The following NOTCH2 variants were observed in gnomAD, a reference collection of about 807,000 sequenced individuals.
NOTCH2 encodes neurogenic locus notch homolog protein 2.
NOTCH2 carries 29 observed loss-of-function variants against 235.8 expected under a neutral mutation model. That is an observed-to-expected ratio of 0.12 (90% CI 0.09 to 0.17). The LOEUF (loss-of-function observed/expected upper bound fraction) is 0.17, where lower values mean the gene tolerates loss of function less well. Among genes scored for constraint, NOTCH2 ranks in the 10% least tolerant of loss-of-function variants. NOTCH2 has a pLI of 1.00. For missense variants in NOTCH2, 2,285 were observed against 3,150.2 expected, an observed-to-expected ratio of 0.73 and a Z score of 6.57; for synonymous variants, 1,086 against 1,141.5, an observed-to-expected ratio of 0.95 and a Z score of 0.98.
intron 25 of NOTCH2, among the ~76,000 whole-genome samples, chr1:119,924,194 T>C (rs1649385829): frequency 6.6e-6 from 1 of 152,218 alleles, no homozygotes; most frequent in South Asian, 2.1e-4. Flanking sequence ...ATGAAGAACA[T>C]TGTACTCACT....
intron 4 of NOTCH2, among the ~76,000 whole-genome samples, chr1:119,990,227 T>C (rs1366175913): frequency 4.7e-5 from 2 of 42,474 alleles, no homozygotes; most frequent in Non-Finnish European, 9.8e-5. Flanking sequence ...TGTCATAAAT[T>C]ACTACATGCT....
rs1417206178 is a variant in NOTCH2 at position 120,058,333 on chromosome 1, G to A, written c.73+11001C>T. Among the ~76,000 whole-genome samples, 22 of 150,882 alleles carry A rather than the reference G, an allele frequency of 1.5e-4. 1 individual carries two copies. Among genetic ancestry groups the A allele is most frequent in the East Asian group, 3.9e-4 (2 of 5,098 alleles). ...AGCCTGCCCAACATAGAGAAACCCCGTCTCTACTAAAACTACAAAAAATTA... is the reference window on the plus strand; with the variant it reads ...AGCCTGCCCAACATAGAGAAACCCCATCTCTACTAAAACTACAAAAAATTA... On this transcript the variant is annotated intron_variant, in intron 1 of 33. Coordinates refer to ENST00000256646, the MANE Select transcript of NOTCH2 (RefSeq NM_024408.4).
Position 119,965,580 on chromosome 1 carries a change from A to T in NOTCH2, c.1568-14T>A. 6.5e-7 allele frequency: 1 copy of T among 1,530,790 alleles called. No individual in the cohort carries two copies. The highest frequency in any genetic ancestry group is 9.1e-7 in the Non-Finnish European group (1 of 1,104,018). The allele number at this position is 1,530,790 out of a possible 1,614,324, so 94.8% of individuals were successfully genotyped here. On this transcript the variant is annotated splice_polypyrimidine_tract_variant and intron_variant, in intron 9 of 33. Coordinates refer to ENST00000256646, the MANE Select transcript of NOTCH2 (RefSeq NM_024408.4). Reference sequence around the variant, plus strand: ...GCCCAGTGAAACCTCAAAAAGGGACAGTGGTAACATGAGTCAAAGGATTAT... The same window carrying T: ...GCCCAGTGAAACCTCAAAAAGGGACTGTGGTAACATGAGTCAAAGGATTAT...
At position 119,967,495 on chromosome 1, in the gene NOTCH2, G is replaced by T. The variant is rs2101143803; in HGVS notation, c.1391C>A (p.Pro464His). The T allele has an allele frequency of 6.2e-7, 1 of 1,614,054 alleles. No homozygotes were observed. The highest frequency in any genetic ancestry group is 8.5e-7 in the Non-Finnish European group (1 of 1,179,934). ...EMDINECHSD[P>H]CQNDATCLDK... The stretch of plus-strand genomic sequence containing the variant: ...CAGACAGGTAGCATCATTCTGGCAG[G>T]GGTCTGAATGGCACTCATTGATGTC... The change falls in exon 8 of 34, where the codon CCC becomes CAC. Residue 464 changes from proline (P) to histidine (H), a missense_variant. Pro to His is a moderately conservative substitution (Grantham distance 77). Coordinates refer to ENST00000256646, the MANE Select transcript of NOTCH2 (RefSeq NM_024408.4).
intron 1 of NOTCH2, among the ~76,000 whole-genome samples, chr1:120,065,169 T>C (rs191817130): frequency 1.4e-3 from 206 of 152,216 alleles, no homozygotes; most frequent in African/African-American, 4.8e-3. Context: ...AAATGAAACA[T>C]CTGGGGAAGG....
chr1:119,912,051 C>T lies in NOTCH2; in HGVS notation c.*3255G>A, dbSNP rs587695533. On this transcript the variant is annotated 3_prime_UTR_variant, in exon 34 of 34. Transcript: ENST00000256646. Reference sequence around the variant, plus strand: ...GTATTGGAAAATAAAAAATACAACACCACTGAGCTTGGCAAACCTTTTTTA... The same window carrying T: ...GTATTGGAAAATAAAAAATACAACATCACTGAGCTTGGCAAACCTTTTTTA... The T allele has an allele frequency of 4.3e-6, 1 of 233,652 alleles. No homozygotes were observed. The highest frequency in any genetic ancestry group is 6.0e-5 in the East Asian group (1 of 16,566). 14.5% of individuals were successfully genotyped at this position (233,652 alleles called of 1,614,324 possible).
chr1:119,940,156 G>A lies in NOTCH2; in HGVS notation c.3183+399C>T, dbSNP rs80183023. Among the ~76,000 whole-genome samples, 22 of 152,274 alleles carry A rather than the reference G, an allele frequency of 1.4e-4. 1 individual carries two copies. In the East Asian group the frequency reaches 4.2e-3, roughly 29 times the overall value. The stretch of plus-strand genomic sequence containing the variant: ...TTTTGAGAATGTTACCACATTGCAA[G>A]ATACAACAATTATCATTATTAAACA... On this transcript the variant is annotated intron_variant, in intron 19 of 33. Transcript: ENST00000256646.
At chr1:119,975,241 G>C (rs993799998) in intron 5 of NOTCH2, among the ~76,000 whole-genome samples, 1 of 152,110 alleles carries the variant, frequency 6.6e-6, no homozygotes, top group Non-Finnish European at 1.5e-5. Flanking sequence ...GCATTACCAA[G>C]CCACCATTAG....
At chr1:119,924,124 C>T in intron 25 of NOTCH2, 140 bp from the exon 26 acceptor site, 1 of 713,232 alleles carries the variant, frequency 1.4e-6, no homozygotes, top group Non-Finnish European at 2.5e-6. Flanking sequence ...CCCACAAAAC[C>T]TTCTTTGCAT....
intron 15 of NOTCH2, 55 bp downstream of exon 15, chr1:119,950,669 G>A (rs1650437923): frequency 8.6e-7 from 1 of 1,158,994 alleles, no homozygotes; most frequent in Admixed American, 1.7e-5. Flanking sequence ...CTCAGGCACT[G>A]ACAAAGCAAG....
At position 119,971,653 on chromosome 1, in the gene NOTCH2, G is replaced by A. The variant is rs587745669; in HGVS notation, c.875-1909C>T. On this transcript the variant is annotated intron_variant, in intron 5 of 33. Transcript: ENST00000256646. ...TGCAGGCACTACTTGGGAGGCTGAA[G>A]TAGGAGAATCACTTGTGCCATGATC... is the stretch of plus-strand genomic sequence containing the variant. 1.4e-4 allele frequency among the ~76,000 whole-genome samples: 21 copies of A among 152,300 alleles called. No individual in the cohort carries two copies. In the East Asian group the frequency reaches 4.1e-3, roughly 29 times the overall value.
rs1220746088 is a variant in NOTCH2 at position 119,918,563 on chromosome 1, G to A, written c.5782-10C>T. 3 of 1,613,824 alleles carry A rather than the reference G, an allele frequency of 1.9e-6. No individual in the cohort carries two copies. In the Admixed American group the frequency reaches 5.0e-5, roughly 27 times the overall value. On this transcript the variant is annotated splice_polypyrimidine_tract_variant and intron_variant, in intron 31 of 33. Coordinates refer to ENST00000256646, the MANE Select transcript of NOTCH2 (RefSeq NM_024408.4). ...GGTTGCGAATCAGAATCTAGAAGAG[G>A]AGAAAGTACAGAAAAGAGAGTCACC... is the stretch of plus-strand genomic sequence containing the variant.
chr1:119,987,137 T>C, intron 4 of NOTCH2, 55 bp from the exon 5 acceptor site: 1 of 1,606,334 alleles, frequency 6.2e-7, no homozygotes, highest in Non-Finnish European at 8.5e-7. Flanking sequence ...AGAAACGACC[T>C]GCTCTGTTCC....
At chr1:119,924,455 C>T (rs1249884925) in intron 25 of NOTCH2, among the ~76,000 whole-genome samples, 2 of 152,180 alleles carry the variant, frequency 1.3e-5, no homozygotes, top group East Asian at 3.9e-4. Flanking sequence ...ATTTCTTTCC[C>T]TTTCAAGAGT....
chr1:120,039,316 T>C (rs587621230), intron 1 of NOTCH2, among the ~76,000 whole-genome samples: 1 of 152,320 alleles, frequency 6.6e-6, no homozygotes, highest in Admixed American at 6.5e-5. Context: ...TTGTATTATC[T>C]GTTCTGTTCC....
At chr1:119,980,785 G>A (rs1553201552) in intron 5 of NOTCH2, among the ~76,000 whole-genome samples, 1 of 152,130 alleles carries the variant, frequency 6.6e-6, no homozygotes, top group East Asian at 1.9e-4. Context: ...AAATAACGCA[G>A]TAAGAGAAGT....
At chr1:119,937,717 G>A in intron 20 of NOTCH2, 140 bp downstream of exon 20, 2 of 919,780 alleles carry the variant, frequency 2.2e-6, no homozygotes, top group South Asian at 3.0e-5. Context: ...CTTCTGTCTT[G>A]AGCCCTTTCC....
In NOTCH2 at chr1:119,919,827, T is replaced by TG. The variant is rs587602128; in HGVS notation, c.5480-215dup. Among the ~76,000 whole-genome samples, 47 of 152,354 alleles carry TG rather than the reference T, an allele frequency of 3.1e-4. 1 individual carries two copies. In the East Asian group the frequency reaches 7.5e-3, roughly 24 times the overall value. ...TGGGAAAGTACAAGTCTTTTTAAGC[T>TG]GGGGGCTCTTCTCTAAACACGTTTT... On this transcript the variant is annotated intron_variant, in intron 30 of 33. Transcript: ENST00000256646.
intron 33 of NOTCH2, 144 bp from the exon 34 acceptor site, chr1:119,916,838 G>GAA: frequency 1.2e-6 from 1 of 826,012 alleles, no homozygotes; most frequent in Non-Finnish European, 2.0e-6. Flanking sequence ...CAGATAGGCT[G>GAA]TGCCTCTACC....
Sources: allele counts gnomAD v4.1 joint callset (sites outside exome capture counted in the v4.1 genomes callset), GRCh38; gene constraint gnomAD v4.1.1; transcripts MANE v1.5; gene names NCBI Gene and HGNC (gene_info 2026-07-23, HGNC 2026-07-21).